The following SLC4A7 variants were observed in gnomAD, a reference collection of about 807,000 sequenced individuals.
SLC4A7 encodes the protein sodium bicarbonate cotransporter 3.
In SLC4A7, 51 loss-of-function variants were observed where a neutral mutation model predicts 137.6. The observed-to-expected ratio is 0.37, with a 90% CI of 0.30 to 0.47. SLC4A7 has a LOEUF of 0.47. Ranked by LOEUF, SLC4A7 falls within the 20% of genes least tolerant of loss-of-function variation. The probability of loss-of-function intolerance (pLI) is 1.00; values close to 1 mark genes in which losing one functional copy is unlikely to be tolerated. For synonymous variants in SLC4A7, 542 were observed against 518.6 expected, an observed-to-expected ratio of 1.05 and a Z score of -0.61; for missense variants, 1,247 against 1,525.4, an observed-to-expected ratio of 0.82 and a Z score of 3.04.
At position 27,457,310 on chromosome 3, in the gene SLC4A7, AACAAG is replaced by A. The variant is rs1383655914; in HGVS notation, c.61-4817_61-4813del. Among the ~76,000 whole-genome samples the A allele has an allele frequency of 5.9e-5, 9 of 152,192 alleles. No homozygotes were observed. In the East Asian group the frequency reaches 9.6e-4, roughly 16 times the overall value. ...ATTTTAATGAAAATAACTTTTCAAAAACAAGACAAAACTTAGAGGAATACCTCTGT... is the reference window on the plus strand; with the variant it reads ...ATTTTAATGAAAATAACTTTTCAAAAACAAAACTTAGAGGAATACCTCTGT... On this transcript the variant is annotated intron_variant, in intron 1 of 25. Transcript: ENST00000454389.
chr3:27,428,431 C>G (rs917842242), intron 7 of SLC4A7: 7 of 154,196 alleles, frequency 4.5e-5, no homozygotes, highest in African/African-American at 1.4e-4. Context: ...ACAATGGCAG[C>G]CATACTACTA....
chr3:27,397,822 A>G, intron 17 of SLC4A7, 25 bp from the exon 18 acceptor site: 1 of 1,266,526 alleles, frequency 7.9e-7, no homozygotes, highest in South Asian at 1.3e-5. Context: ...TTATGTTAAT[A>G]TAAACACAGA....
intron 18 of SLC4A7, among the ~76,000 whole-genome samples, chr3:27,396,298 T>C (rs570794239): frequency 1.5e-4 from 23 of 152,282 alleles, no homozygotes; most frequent in Admixed American, 1.5e-3. Flanking sequence ...AAGAGTTCCT[T>C]GATTTGCTTC....
chr3:27,473,751 A>G (rs1420139238), intron 1 of SLC4A7, among the ~76,000 whole-genome samples: 2 of 151,600 alleles, frequency 1.3e-5, no homozygotes, highest in African/African-American at 4.8e-5. Context: ...ATATTAACCC[A>G]ATAAAATTCA....
intron 21 of SLC4A7, 106 bp downstream of exon 21, chr3:27,391,634 T>A: frequency 1.4e-6 from 1 of 691,022 alleles, no homozygotes; most frequent in Non-Finnish European, 2.5e-6. Flanking sequence ...TAACCTCCCC[T>A]CAAAATGTCA....
intron 3 of SLC4A7, among the ~76,000 whole-genome samples, chr3:27,438,253 T>C (rs1043310168): frequency 6.7e-6 from 1 of 150,238 alleles, no homozygotes; most frequent in Non-Finnish European, 1.5e-5. Context: ...ACGCCTGTAA[T>C]TCCAGCACTT....
At chr3:27,474,669 G>T (rs1474024149) in intron 1 of SLC4A7, among the ~76,000 whole-genome samples, 1 of 152,082 alleles carries the variant, frequency 6.6e-6, no homozygotes. Context: ...TTGCACTCCA[G>T]CTTGTGCAAC....
chr3:27,484,193 T>G lies in SLC4A7; in HGVS notation c.-67A>C, dbSNP rs1206981096. 8.4e-7 allele frequency: 1 copy of G among 1,187,904 alleles called. No homozygotes were observed. Among genetic ancestry groups the G allele is most frequent in the Non-Finnish European group, 1.1e-6 (1 of 945,706 alleles). The allele number at this position is 1,187,904 out of a possible 1,614,324, so 73.6% of individuals were successfully genotyped here. ...CGCGCGGTCTGCCTGCTTCTGCCGCTGCCCCTGCCGCCGCCGCCGAGCCCC... is the reference window on the plus strand; with the variant it reads ...CGCGCGGTCTGCCTGCTTCTGCCGCGGCCCCTGCCGCCGCCGCCGAGCCCC... On this transcript the variant is annotated 5_prime_UTR_variant, in exon 1 of 26. Coordinates refer to ENST00000454389, the MANE Select transcript of SLC4A7 (RefSeq NM_001321103.2).
chr3:27,390,211 C>A, intron 21 of SLC4A7, 107 bp from the exon 22 acceptor site: 1 of 437,582 alleles, frequency 2.3e-6, no homozygotes, highest in South Asian at 2.5e-5. Flanking sequence ...TTGTAACTTC[C>A]TTGACATTTT....
intron 2 of SLC4A7, among the ~76,000 whole-genome samples, chr3:27,449,717 T>C (rs2057933488): frequency 6.6e-6 from 1 of 152,208 alleles, no homozygotes; most frequent in East Asian, 1.9e-4. Context: ...AGGAGCACTA[T>C]GTCAAATATC....
chr3:27,391,036 T>C (rs2051498828), intron 21 of SLC4A7, among the ~76,000 whole-genome samples: 1 of 152,178 alleles, frequency 6.6e-6, no homozygotes, highest in Non-Finnish European at 1.5e-5. Flanking sequence ...TTGTCCAGGC[T>C]GGTCTCAAAC....
intron 1 of SLC4A7, among the ~76,000 whole-genome samples, chr3:27,466,762 C>CA (rs1198273433): frequency 6.6e-6 from 1 of 151,944 alleles, no homozygotes; most frequent in Non-Finnish European, 1.5e-5. Context: ...GAGGCTGAGA[C>CA]AGGAGAATTG....
At position 27,431,496 on chromosome 3, in the gene SLC4A7, T is replaced by TA; in HGVS notation, c.951_952insT (p.Ser318Ter). 1 of 1,614,106 alleles carries TA rather than the reference T, an allele frequency of 6.2e-7. No homozygotes were observed. The highest frequency in any genetic ancestry group is 8.5e-7 in the Non-Finnish European group (1 of 1,180,020). ...CTGATGCTAGGGCTAGAAGGAGGACTGTTTTGAGGGGTGGGTACTGGGGTT... is the reference window on the plus strand; with the variant it reads ...CTGATGCTAGGGCTAGAAGGAGGACTAGTTTTGAGGGGTGGGTACTGGGGTT... On this transcript the variant is annotated frameshift_variant, in exon 7 of 26. Coordinates refer to ENST00000454389, the MANE Select transcript of SLC4A7 (RefSeq NM_001321103.2). LOFTEE classifies it high-confidence loss of function.
intron 1 of SLC4A7, among the ~76,000 whole-genome samples, chr3:27,465,730 C>G (rs1285820349): frequency 1.3e-5 from 2 of 151,586 alleles, no homozygotes; most frequent in Non-Finnish European, 2.9e-5. Flanking sequence ...GAGGCCGAGG[C>G]GGACGAATCA....
At chr3:27,397,039 T>C (rs2052245755) in intron 18 of SLC4A7, among the ~76,000 whole-genome samples, 1 of 152,188 alleles carries the variant, frequency 6.6e-6, no homozygotes, top group Non-Finnish European at 1.5e-5. Flanking sequence ...GGTTACTTTT[T>C]TTTTTTGAGA....
At position 27,434,231 on chromosome 3, in the gene SLC4A7, CA is replaced by C. The variant is rs1044281904; in HGVS notation, c.590-128del. The stretch of plus-strand genomic sequence containing the variant: ...AGCTCTAGAAAGTTTTATTCTGTCA[CA>C]AATAATCAATGCAGAAATGAACATT... On this transcript the variant is annotated intron_variant, in intron 5 of 25. Transcript: ENST00000454389. The C allele has an allele frequency of 3.7e-5, 22 of 587,634 alleles. No homozygotes were observed. The African/African-American group carries it at 3.8e-4, about 10-fold the overall frequency. The allele number at this position is 587,634 out of a possible 1,614,324, so 36.4% of individuals were successfully genotyped here. A position where few individuals can be genotyped will look rare whatever the true frequency, so the allele number is the denominator to read the frequency against.
Position 27,389,984 on chromosome 3 carries a change from C to G in SLC4A7, c.3307G>C (p.Val1103Leu). The change falls in exon 22 of 26, where the codon GTC becomes CTC. Residue 1103 changes from valine (V) to leucine (L), a missense_variant. This residue lies in a region of SLC4A7 where 290 missense variants were observed against 323.8 expected (regional missense o/e 0.90). Coordinates refer to ENST00000454389, the MANE Select transcript of SLC4A7 (RefSeq NM_001321103.2). The stretch of plus-strand genomic sequence containing the variant: ...GAAACTTTTATCACCCATAAAAGGA[C>G]CAAACAAGTAAGCTGAATGACTGTG... ...IFTVIQLTCL[V>L]LLWVIKVSAA... The G allele has an allele frequency of 6.2e-7, 1 of 1,613,730 alleles. No homozygotes were observed. Among genetic ancestry groups the G allele is most frequent in the Non-Finnish European group, 8.5e-7 (1 of 1,179,844 alleles).
chr3:27,384,348 C>T (rs1212838370), intron 23 of SLC4A7, among the ~76,000 whole-genome samples: 1 of 152,100 alleles, frequency 6.6e-6, no homozygotes, highest in Non-Finnish European at 1.5e-5. Context: ...TTCCTGCTGT[C>T]TCTAATGCTA....
intron 3 of SLC4A7, among the ~76,000 whole-genome samples, chr3:27,441,267 G>A (rs752347102): frequency 1.3e-5 from 2 of 152,116 alleles, no homozygotes; most frequent in Non-Finnish European, 2.9e-5. Flanking sequence ...TATTTTGTCC[G>A]TAGTTGTATT....
Sources: gnomAD v4.1 joint callset for allele counts (sites outside exome capture counted in the v4.1 genomes callset) on GRCh38, gnomAD v4.1.1 for gene constraint, gnomAD v4.1.1 regional missense constraint, MANE v1.5 for transcripts, NCBI Gene and HGNC (gene_info 2026-07-23, HGNC 2026-07-21) for gene names.